The following GLIS3 variants were observed in gnomAD, a reference collection of about 807,000 sequenced individuals.
GLIS3 encodes the protein GLIS family zinc finger 3.
Under a neutral mutation model 78.6 loss-of-function variants are expected in GLIS3, and 53 were observed. The ratio of observed to expected loss-of-function variants is 0.67; its 90% CI spans 0.54 to 0.85. GLIS3 has a LOEUF of 0.85. Ranked by LOEUF, GLIS3 falls within the 40% of genes least tolerant of loss-of-function variation. GLIS3 has a pLI of 0.00. For synonymous variants in GLIS3, 684 were observed against 509.9 expected (o/e 1.34, Z -4.60); for missense variants, 1,703 against 1,231.1 (o/e 1.38, Z -5.74).
chr9:3,889,741 T>A (rs1046079439), intron 7 of GLIS3, among the ~76,000 whole-genome samples: 2 of 152,202 alleles, frequency 1.3e-5, no homozygotes, highest in Non-Finnish European at 2.9e-5. Context: ...AATGTTCACA[T>A]TCTTCAGGCA....
chr9:3,988,701 T>C (rs992741999), intron 4 of GLIS3, among the ~76,000 whole-genome samples: 1 of 151,354 alleles, frequency 6.6e-6, no homozygotes, highest in Non-Finnish European at 1.5e-5. Context: ...CAAGCACGCA[T>C]AGACAAAAAA....
chr9:4,306,302 G>C (rs1253205775), intron 4 of GLIS3, among the ~76,000 whole-genome samples: 1 of 129,468 alleles, frequency 7.7e-6, no homozygotes, highest in African/African-American at 2.8e-5. Flanking sequence ...GGTTTTTCAG[G>C]GTAAAGTTAT....
upstream of GLIS3, among the ~76,000 whole-genome samples, chr9:4,350,602 AAGG>A (rs1401908753): frequency 7.2e-5 from 11 of 152,324 alleles, no homozygotes; most frequent in African/African-American, 2.6e-4. Flanking sequence ...GGGTGGGGAT[AAGG>A]AAGACTGAAC....
chr9:4,384,202 G>A, the GLIS3 span, among the ~76,000 whole-genome samples: 1 of 152,180 alleles, frequency 6.6e-6, no homozygotes, highest in South Asian at 2.1e-4. Flanking sequence ...CACACTGGTG[G>A]TGAACACAGG....
At chr9:3,923,083 C>A (rs766904804) in intron 6 of GLIS3, among the ~76,000 whole-genome samples, 1 of 152,188 alleles carries the variant, frequency 6.6e-6, no homozygotes, top group African/African-American at 2.4e-5. Flanking sequence ...GATAGCATGG[C>A]TGGGTGTAGT....
chr9:4,133,439 G>A (rs1833127680), intron 2 of GLIS3, among the ~76,000 whole-genome samples: 2 of 152,172 alleles, frequency 1.3e-5, no homozygotes, highest in Admixed American at 1.3e-4. Flanking sequence ...CGACACTTGG[G>A]TACTAAAAAC....
chr9:4,284,287 A>G (rs1827797975), intron 2 of GLIS3, among the ~76,000 whole-genome samples: 1 of 152,216 alleles, frequency 6.6e-6, no homozygotes, highest in African/African-American at 2.4e-5. Flanking sequence ...GTTATGATAC[A>G]ATAAAGGCAA....
At chr9:4,042,129 G>T (rs1337346258) in intron 4 of GLIS3, among the ~76,000 whole-genome samples, 2 of 149,068 alleles carry the variant, frequency 1.3e-5, no homozygotes, top group Admixed American at 1.3e-4. Context: ...TTGGGTTTTT[G>T]TTTTTTTTTT....
At chr9:4,441,882 G>T in the GLIS3 span, among the ~76,000 whole-genome samples, 1 of 152,162 alleles carries the variant, frequency 6.6e-6, no homozygotes, top group African/African-American at 2.4e-5. Flanking sequence ...TGGCATTACA[G>T]GCGTGAGCCA....
At chr9:4,457,822 C>G in the GLIS3 span, among the ~76,000 whole-genome samples, 3 of 150,038 alleles carry the variant, frequency 2.0e-5, no homozygotes, top group African/African-American at 7.4e-5. Context: ...TTCACTCCAG[C>G]CTGGCGACAG....
intron 6 of GLIS3, among the ~76,000 whole-genome samples, chr9:3,922,831 A>G (rs771941196): frequency 1.3e-5 from 2 of 152,204 alleles, no homozygotes; most frequent in Admixed American, 6.5e-5. Context: ...CTAGAAATGT[A>G]TCTAATGACC....
chr9:4,398,218 A>AG, the GLIS3 span, among the ~76,000 whole-genome samples: 214 of 151,670 alleles, frequency 1.4e-3, no homozygotes, highest in Non-Finnish European at 2.2e-3. Context: ...GCTGAGGCAT[A>AG]TTTTTTTTAA....
At chr9:4,195,199 C>A (rs909395070) in intron 2 of GLIS3, among the ~76,000 whole-genome samples, 1 of 152,244 alleles carries the variant, frequency 6.6e-6, no homozygotes, top group South Asian at 2.1e-4. Context: ...GCTCTGGCCA[C>A]GCTTGAGGAG....
intron 2 of GLIS3, among the ~76,000 whole-genome samples, chr9:4,245,737 A>C (rs1357884350): frequency 6.6e-6 from 1 of 152,212 alleles, no homozygotes; most frequent in African/African-American, 2.4e-5. Context: ...ATATACAGGT[A>C]TATAAATACC....
chr9:4,308,234 C>G (rs1394594303), intron 4 of GLIS3, among the ~76,000 whole-genome samples: 2 of 151,898 alleles, frequency 1.3e-5, no homozygotes, highest in African/African-American at 4.8e-5. Context: ...GTGAAAGGAC[C>G]CACAGCCCAT....
At chr9:4,296,964 C>T (rs1372332258) in intron 1 of GLIS3, among the ~76,000 whole-genome samples, 1 of 148,478 alleles carries the variant, frequency 6.7e-6, no homozygotes, top group African/African-American at 2.5e-5. Flanking sequence ...TAAATTGCTT[C>T]AAACTTTCTC....
intron 2 of GLIS3, among the ~76,000 whole-genome samples, chr9:4,283,205 G>A (rs920101801): frequency 3.3e-5 from 5 of 151,682 alleles, no homozygotes; most frequent in African/African-American, 1.2e-4. Flanking sequence ...ACCCTTCTAT[G>A]TGGCCATATC....
At chr9:4,358,787 T>C in the GLIS3 span, among the ~76,000 whole-genome samples, 1 of 152,222 alleles carries the variant, frequency 6.6e-6, no homozygotes, top group Non-Finnish European at 1.5e-5. Flanking sequence ...ATTCAACAGA[T>C]AACCTATATG....
At chr9:4,467,771 C>A in the GLIS3 span, among the ~76,000 whole-genome samples, 3 of 152,190 alleles carry the variant, frequency 2.0e-5, no homozygotes, top group South Asian at 4.1e-4. Context: ...TGGAACAAAG[C>A]TGGATGGAGA....
Sources: gnomAD v4.1 joint callset for allele counts (sites outside exome capture counted in the v4.1 genomes callset) on GRCh38, gnomAD v4.1.1 for gene constraint, MANE v1.5 for transcripts, NCBI Gene and HGNC (gene_info 2026-07-23, HGNC 2026-07-21) for gene names.